The following DSE variants were observed in gnomAD, a reference collection of about 807,000 sequenced individuals.
DSE encodes the protein dermatan-sulfate epimerase.
DSE carries 36 observed loss-of-function variants against 84.4 expected under a neutral mutation model. The observed-to-expected ratio is 0.43, with a 90% CI of 0.33 to 0.56. DSE has a LOEUF of 0.56. Ranked by LOEUF, DSE falls within the 20% of genes least tolerant of loss-of-function variation. The probability of loss-of-function intolerance (pLI) is 0.06; values close to 1 mark genes in which losing one functional copy is unlikely to be tolerated. For synonymous variants in DSE, 410 were observed against 430.1 expected (o/e 0.95, Z 0.58); for missense variants, 862 against 1,169.6 (o/e 0.74, Z 3.84).
In DSE at chr6:116,332,571, TAAG is replaced by T. The variant is rs545974436; in HGVS notation, c.-53-66624_-53-66622del. Among the ~76,000 whole-genome samples, 380 of 152,132 alleles carry T rather than the reference TAAG, an allele frequency of 2.5e-3. 1 individual carries two copies. Among genetic ancestry groups the T allele is most frequent in the South Asian group, 6.2e-3 (30 of 4,820 alleles). ...TAATTAGGATAGTACAGTATTGGGG[TAAG>T]AATAGACAAAAATCAGTGGAACAAA... On this transcript the variant is annotated intron_variant, in intron 2 of 3. Transcript: ENST00000430252.
At chr6:116,370,915 C>G, upstream of DSE, 9 of 985,552 alleles carry the variant, frequency 9.1e-6, no homozygotes, top group Non-Finnish European at 1.1e-5. Context: ...CCCTTTCGCC[C>G]ACACCTACCC....
chr6:116,281,255 C>G (rs1442993409), intron 2 of DSE, among the ~76,000 whole-genome samples: 1 of 152,086 alleles, frequency 6.6e-6, no homozygotes, highest in Non-Finnish European at 1.5e-5. Flanking sequence ...AAGGCAGCCT[C>G]TAGAAGCTTG....
intron 2 of DSE, chr6:116,276,642 CT>C (rs1008025461): frequency 1.3e-5 from 2 of 151,998 alleles, no homozygotes; most frequent in Non-Finnish European, 2.9e-5. Flanking sequence ...GATTAAAGGA[CT>C]TTAATGATTC....
At chr6:116,263,551 T>C (rs1772501803) in intron 2 of DSE, among the ~76,000 whole-genome samples, 1 of 152,216 alleles carries the variant, frequency 6.6e-6, no homozygotes, top group African/African-American at 2.4e-5. Flanking sequence ...CTTGATTCTT[T>C]ATCCAGCTTA....
At chr6:116,286,595 G>C (rs1773923375) in intron 2 of DSE, among the ~76,000 whole-genome samples, 1 of 151,940 alleles carries the variant, frequency 6.6e-6, no homozygotes, top group African/African-American at 2.4e-5. Context: ...CAGGTAAATA[G>C]AAAAACATCA....
intron 2 of DSE, among the ~76,000 whole-genome samples, chr6:116,289,695 G>T (rs1474801644): frequency 6.6e-6 from 1 of 151,840 alleles, no homozygotes; most frequent in African/African-American, 2.4e-5. Flanking sequence ...AATTCATCAA[G>T]GTCATTTACT....
chr6:116,416,361 G>A (rs954754956), intron 2 of DSE, among the ~76,000 whole-genome samples: 1 of 140,412 alleles, frequency 7.1e-6, no homozygotes, highest in Non-Finnish European at 1.5e-5. Flanking sequence ...GTGTGTGTGT[G>A]TGTGTGTGTG....
Position 116,308,591 on chromosome 6 carries a change from T to G in DSE, c.-54+49624T>G, listed in dbSNP as rs77383084. 5.9e-3 allele frequency among the ~76,000 whole-genome samples: 897 copies of G among 152,338 alleles called. 10 individuals are homozygous for G. The highest frequency in any genetic ancestry group is 0.021 in the African/African-American group (873 of 41,574). ...TTTTGTGACTTACTAGCTATATTTT[T>G]AAAGCAATTTACATAAACTCTTGAG... On this transcript the variant is annotated intron_variant, in intron 2 of 3. Transcript: ENST00000430252.
intron 2 of DSE, among the ~76,000 whole-genome samples, chr6:116,317,400 G>A (rs199505835): frequency 6.6e-5 from 10 of 152,206 alleles, no homozygotes; most frequent in Non-Finnish European, 1.3e-4. Flanking sequence ...GAGATTCCGG[G>A]AAGTTACTCT....
intron 2 of DSE, among the ~76,000 whole-genome samples, chr6:116,264,430 G>A (rs1772536044): frequency 6.6e-6 from 1 of 152,044 alleles, no homozygotes; most frequent in African/African-American, 2.4e-5. Context: ...AGCTCTATCA[G>A]ATCGGCTACA....
chr6:116,420,371 C>A (rs1446538465), intron 2 of DSE, among the ~76,000 whole-genome samples: 6 of 152,136 alleles, frequency 3.9e-5, no homozygotes, highest in African/African-American at 1.4e-4. Flanking sequence ...AAAGGTGGGG[C>A]TCTCATGATA....
rs2115114860 is a variant in DSE at position 116,443,943 on chromosome 6, T to G, written c.*6598T>G. On this transcript the variant is annotated 3_prime_UTR_variant, in exon 6 of 6. Transcript: ENST00000644252. ...GTTTTCCTTACTTTGTACTTTTCAGTCTCTGCTGTTTACCATTTTTGTCCA... is the reference window on the plus strand; with the variant it reads ...GTTTTCCTTACTTTGTACTTTTCAGGCTCTGCTGTTTACCATTTTTGTCCA... 1 of 152,350 alleles carries G rather than the reference T, an allele frequency of 6.6e-6. No individual in the cohort carries two copies. The highest frequency in any genetic ancestry group is 1.5e-5 in the Non-Finnish European group (1 of 68,038). The allele number at this position is 152,350 out of a possible 1,614,324, so 9.4% of individuals were successfully genotyped here.
At chr6:116,419,287 A>G (rs757155075) in intron 2 of DSE, among the ~76,000 whole-genome samples, 1 of 152,232 alleles carries the variant, frequency 6.6e-6, no homozygotes, top group Non-Finnish European at 1.5e-5. Flanking sequence ...CAAATTTAAC[A>G]TATTACTAAC....
intron 2 of DSE, among the ~76,000 whole-genome samples, chr6:116,305,521 A>G (rs1775292910): frequency 2.6e-5 from 4 of 152,264 alleles, no homozygotes; most frequent in Admixed American, 2.6e-4. Flanking sequence ...AAAACAATTG[A>G]CATAGTATAC....
At chr6:116,292,872 A>G (rs907032293) in intron 2 of DSE, among the ~76,000 whole-genome samples, 2 of 152,356 alleles carry the variant, frequency 1.3e-5, no homozygotes, top group East Asian at 3.9e-4. Context: ...ATTATATTTT[A>G]ATAAATATTA....
At chr6:116,267,114 A>G (rs1772659403) in intron 2 of DSE, among the ~76,000 whole-genome samples, 1 of 152,272 alleles carries the variant, frequency 6.6e-6, no homozygotes, top group African/African-American at 2.4e-5. Flanking sequence ...TAGGTACAGT[A>G]CATAATACTT....
chr6:116,434,764 G>C (rs915688090), intron 5 of DSE, among the ~76,000 whole-genome samples: 1 of 152,168 alleles, frequency 6.6e-6, no homozygotes, highest in African/African-American at 2.4e-5. Context: ...TCTTGAAACT[G>C]AGACTCTAGA....
intron 1 of DSE, among the ~76,000 whole-genome samples, chr6:116,383,789 A>G (rs1278082795): frequency 6.6e-6 from 1 of 152,158 alleles, no homozygotes; most frequent in Non-Finnish European, 1.5e-5. Flanking sequence ...TGTCCTGTGT[A>G]TCCATGGCCA....
chr6:116,290,370 T>A (rs911168817), intron 2 of DSE, among the ~76,000 whole-genome samples: 1 of 152,146 alleles, frequency 6.6e-6, no homozygotes, highest in Non-Finnish European at 1.5e-5. Context: ...CATGGAAACT[T>A]TAATTATAAT....
Sources: allele counts gnomAD v4.1 joint callset (sites outside exome capture counted in the v4.1 genomes callset), GRCh38; gene constraint gnomAD v4.1.1; transcripts MANE v1.5; gene names NCBI Gene and HGNC (gene_info 2026-07-23, HGNC 2026-07-21).